POU6F2: variants seen among roughly 807,000 people sequenced by gnomAD.
The protein encoded by POU6F2 is POU domain, class 6, transcription factor 2.
POU6F2 carries 31 observed loss-of-function variants against 71.3 expected under a neutral mutation model. The observed-to-expected ratio is 0.43, with a 90% confidence interval of 0.33 to 0.59. POU6F2 has a LOEUF of 0.59. Ranked by LOEUF, POU6F2 falls within the 20% of genes least tolerant of loss-of-function variation. The pLI, the probability that POU6F2 is intolerant of heterozygous loss-of-function variation, is 0.04. For synonymous variants in POU6F2, 347 were observed against 355.7 expected, an observed-to-expected ratio of 0.98 and a Z score of 0.27; for missense variants, 783 against 856.8, an observed-to-expected ratio of 0.91 and a Z score of 1.07.
At chr7:39,181,942 T>C (rs942211436) in intron 2 of POU6F2, among the ~76,000 whole-genome samples, 1 of 152,192 alleles carries the variant, frequency 6.6e-6, no homozygotes, top group Non-Finnish European at 1.5e-5. Context: ...CAGGAACTTC[T>C]TACATATATT....
In POU6F2 at chr7:38,981,207, T is replaced by A. The variant is rs572517042; in HGVS notation, c.105+3149T>A. On this transcript the variant is annotated intron_variant, in intron 1 of 9. Transcript: ENST00000518318. Reference sequence around the variant, plus strand: ...AGTTAATCAGTTTCTGATCGTTGGTTTGATTATCATTTAGAAATGAAGACT... The same window carrying A: ...AGTTAATCAGTTTCTGATCGTTGGTATGATTATCATTTAGAAATGAAGACT... Among the ~76,000 whole-genome samples, 6 of 152,344 alleles carry A rather than the reference T, an allele frequency of 3.9e-5. No homozygotes were observed. The South Asian group carries it at 1.2e-3, about 32-fold the overall frequency.
intron 2 of POU6F2, among the ~76,000 whole-genome samples, chr7:39,100,510 T>C (rs1000165939): frequency 6.6e-6 from 1 of 152,224 alleles, no homozygotes; most frequent in African/African-American, 2.4e-5. Flanking sequence ...ATTCATGCCC[T>C]ATGCTCATTT....
At chr7:39,309,492 C>G (rs1482766952) in intron 4 of POU6F2, among the ~76,000 whole-genome samples, 1 of 152,144 alleles carries the variant, frequency 6.6e-6, no homozygotes, top group Admixed American at 6.5e-5. Flanking sequence ...ACAGCCGATC[C>G]CCATGGCTGT....
chr7:39,364,661 C>T (rs140191959), intron 5 of POU6F2, among the ~76,000 whole-genome samples: 291 of 152,246 alleles, frequency 1.9e-3, no homozygotes, highest in Non-Finnish European at 3.2e-3. Context: ...TTTATCCACT[C>T]GTTGATTGAC....
intron 1 of POU6F2, chr7:38,984,148 T>C (rs1474250812): frequency 1.3e-5 from 2 of 152,058 alleles, no homozygotes; most frequent in African/African-American, 4.8e-5. Context: ...AGGAGGTACA[T>C]TTTTCCCATG....
intron 2 of POU6F2, among the ~76,000 whole-genome samples, chr7:39,099,807 C>T (rs1316657232): frequency 1.3e-5 from 2 of 152,136 alleles, no homozygotes; most frequent in Non-Finnish European, 2.9e-5. Flanking sequence ...CTTCTTAGCC[C>T]AATGCGTATT....
intron 1 of POU6F2, chr7:39,034,576 G>T (rs894099528): frequency 1.3e-5 from 4 of 317,118 alleles, no homozygotes; most frequent in African/African-American, 6.5e-5. Flanking sequence ...TGCTGCAGAA[G>T]GTCACTAGGG....
intron 7 of POU6F2, among the ~76,000 whole-genome samples, chr7:39,438,712 T>C (rs1246558315): frequency 6.6e-6 from 1 of 152,268 alleles, no homozygotes; most frequent in Non-Finnish European, 1.5e-5. Flanking sequence ...TTGATCACAC[T>C]GTGGTCTGAG....
intron 7 of POU6F2, among the ~76,000 whole-genome samples, chr7:39,443,252 A>T (rs1044409932): frequency 2.6e-5 from 4 of 152,164 alleles, no homozygotes; most frequent in Admixed American, 1.3e-4. Context: ...TACCTTGCAA[A>T]TCCAACAAAG....
chr7:39,344,888 A>T (rs943721820), intron 5 of POU6F2, among the ~76,000 whole-genome samples: 4 of 152,106 alleles, frequency 2.6e-5, no homozygotes, highest in Non-Finnish European at 5.9e-5. Flanking sequence ...GAACTCAGAC[A>T]TCTCTCTACC....
chr7:39,373,564 G>C (rs1460867623), intron 5 of POU6F2: 17 of 456,498 alleles, frequency 3.7e-5, no homozygotes, highest in South Asian at 2.6e-4. Context: ...TCAGAACCAA[G>C]CACACAGAAA....
chr7:39,059,461 C>T (rs1790605368), intron 1 of POU6F2, among the ~76,000 whole-genome samples: 1 of 149,890 alleles, frequency 6.7e-6, no homozygotes, highest in Non-Finnish European at 1.5e-5. Context: ...TTCCCAAAAC[C>T]ACAACGAGAT....
At chr7:39,405,881 G>A (rs1787415525) in intron 5 of POU6F2, 1 of 152,180 alleles carries the variant, frequency 6.6e-6, no homozygotes, top group Non-Finnish European at 1.5e-5. Flanking sequence ...CCAGGAAAGA[G>A]GCTGAGGAAA....
At chr7:39,238,163 C>T (rs1318412781) in intron 4 of POU6F2, among the ~76,000 whole-genome samples, 1 of 152,172 alleles carries the variant, frequency 6.6e-6, no homozygotes, top group Non-Finnish European at 1.5e-5. Context: ...TCACCAGTTA[C>T]AAACTGAGGC....
chr7:39,179,666 C>T (rs1382600373), intron 2 of POU6F2, among the ~76,000 whole-genome samples: 5 of 152,212 alleles, frequency 3.3e-5, no homozygotes, highest in African/African-American at 1.2e-4. Flanking sequence ...TTGCCGCCGG[C>T]TCATAGACCA....
intron 2 of POU6F2, among the ~76,000 whole-genome samples, chr7:39,106,892 A>T (rs987835944): frequency 2.0e-5 from 3 of 152,172 alleles, no homozygotes; most frequent in African/African-American, 7.2e-5. Flanking sequence ...CAGGAGAAAT[A>T]GTATTTCTTT....
At chr7:39,280,385 C>G (rs1274480660) in intron 4 of POU6F2, among the ~76,000 whole-genome samples, 2 of 152,198 alleles carry the variant, frequency 1.3e-5, no homozygotes, top group African/African-American at 4.8e-5. Context: ...CCTTTCCCTC[C>G]TTCTCTCCTG....
chr7:39,085,224 G>C (rs1452024141), intron 1 of POU6F2: 2 of 152,128 alleles, frequency 1.3e-5, no homozygotes, highest in African/African-American at 4.8e-5. Context: ...TTGATTTGGG[G>C]TCAGCTCCGG....
intron 4 of POU6F2, among the ~76,000 whole-genome samples, chr7:39,264,709 A>G (rs73382911): frequency 0.021 from 3,225 of 152,312 alleles, 114 homozygotes; most frequent in African/African-American, 0.074. Context: ...TAAATAAATA[A>G]GTACATTCAA....
Sources: gnomAD v4.1 joint callset for allele counts (sites outside exome capture counted in the v4.1 genomes callset) on GRCh38, gnomAD v4.1.1 for gene constraint, MANE v1.5 for transcripts, NCBI Gene and HGNC (gene_info 2026-07-23, HGNC 2026-07-21) for gene names.